ZDHHC19: variants seen among roughly 807,000 people sequenced by gnomAD.
The protein encoded by ZDHHC19 is zDHHC palmitoyltransferase 19.
Under a neutral mutation model 33.9 loss-of-function variants are expected in ZDHHC19, and 30 were observed. The ratio of observed to expected loss-of-function variants is 0.88; its 90% confidence interval spans 0.66 to 1.20. The LOEUF is 1.20. Among genes scored for constraint, ZDHHC19 ranks in the 50% most tolerant of loss-of-function variants. The pLI is 0.00. For missense variants in ZDHHC19, 364 were observed against 401.1 expected (o/e 0.91, Z 0.79); for synonymous variants, 178 against 167.6 (o/e 1.06, Z -0.48).
intron 5 of ZDHHC19, among the ~76,000 whole-genome samples, chr3:196,204,096 AAAG>A (rs1224608763): frequency 2.0e-5 from 3 of 152,214 alleles, no homozygotes; most frequent in Non-Finnish European, 2.9e-5. Context: ...ACAGATTGGA[AAAG>A]AAGAAGTGAA....
At chr3:196,204,763 T>C (rs1040304562) in intron 5 of ZDHHC19, among the ~76,000 whole-genome samples, 3 of 152,166 alleles carry the variant, frequency 2.0e-5, no homozygotes, top group African/African-American at 7.2e-5. Flanking sequence ...CGGGTAGGAA[T>C]GCAAAATAGT....
chr3:196,201,022 A>G (rs544658748), intron 5 of ZDHHC19, among the ~76,000 whole-genome samples: 1 of 151,908 alleles, frequency 6.6e-6, no homozygotes, highest in African/African-American at 2.4e-5. Flanking sequence ...TGAGGCATAG[A>G]AAAATGCTTA....
At position 196,210,670 on chromosome 3, in the gene ZDHHC19, T is replaced by C; in HGVS notation, c.214A>G (p.Thr72Ala). 6.2e-7 allele frequency: 1 copy of C among 1,613,926 alleles called. No individual in the cohort carries two copies. Among genetic ancestry groups the C allele is most frequent in the Non-Finnish European group, 8.5e-7 (1 of 1,179,976 alleles). The change falls in exon 2 of 8, where the codon ACC becomes GCC. Residue 72 changes from threonine (T) to alanine (A), a missense_variant. Transcript: ENST00000296326. ...TTGAGTGAAACAAGACTGAAGAAGG[T>C]AAGGACAAAGAGGGAGCCTGTGATA... Reference protein sequence around the residue: ...PVITGSLFVLTFFSLVSLNFS... With the variant: ...PVITGSLFVLAFFSLVSLNFS...
intron 5 of ZDHHC19, 64 bp downstream of exon 5, chr3:196,207,334 G>A (rs1317386982): frequency 4.7e-5 from 67 of 1,439,780 alleles, no homozygotes; most frequent in Non-Finnish European, 5.1e-5. Flanking sequence ...CAAGGGCAGT[G>A]GAGAAAGCGC....
intron 5 of ZDHHC19, among the ~76,000 whole-genome samples, chr3:196,205,333 G>C (rs960151596): frequency 6.6e-6 from 1 of 152,086 alleles, no homozygotes; most frequent in African/African-American, 2.4e-5. Context: ...AGGAATAAAC[G>C]ACTGCTATGA....
Position 196,209,496 on chromosome 3 carries a change from G to C in ZDHHC19, c.288C>G (p.Pro96=). Residue 96 remains proline (P), a synonymous_variant, in exon 3 of 8, where the codon CCC becomes CCG. Coordinates refer to ENST00000296326, the MANE Select transcript of ZDHHC19 (RefSeq NM_001039617.2). ...ILHQGSAEQG[P]LTVHVVWVNH... ...TCACCCACACCACGTGCACCGTCAA[G>C]GGGCCCTGCTCAGCGGAGCCTGGCG... 1 of 1,613,062 alleles carries C rather than the reference G, an allele frequency of 6.2e-7. No homozygotes were observed. The highest frequency in any genetic ancestry group is 8.5e-7 in the Non-Finnish European group (1 of 1,179,796).
At chr3:196,206,674 CTTTTCTT>C (rs1207074962) in intron 5 of ZDHHC19, among the ~76,000 whole-genome samples, 20 of 124,138 alleles carry the variant, frequency 1.6e-4, no homozygotes, top group African/African-American at 4.6e-4. Context: ...CTTTTCTTTT[CTTTTCTT>C]TTTTTTTTTT....
intron 2 of ZDHHC19, among the ~76,000 whole-genome samples, chr3:196,210,299 A>AAGG (rs1723140869): frequency 6.8e-6 from 1 of 147,680 alleles, no homozygotes; most frequent in East Asian, 2.0e-4. Context: ...GGAAGGAAGG[A>AAGG]AAGAGAGAGG....
intron 1 of ZDHHC19, 112 bp from the exon 2 acceptor site, chr3:196,210,849 T>C: frequency 6.9e-7 from 1 of 1,453,816 alleles, no homozygotes; most frequent in Non-Finnish European, 9.1e-7. Context: ...GATCTAAAAA[T>C]CCAGGCTCCA....
Position 196,200,568 on chromosome 3 carries a change from A to G in ZDHHC19, c.688-1694T>C, listed in dbSNP as rs879917713. On this transcript the variant is annotated intron_variant, in intron 5 of 7. Coordinates refer to ENST00000296326, the MANE Select transcript of ZDHHC19 (RefSeq NM_001039617.2). ...ACGGGGTTTCACCGTGTTAGCCAGG[A>G]TGGTCTCGATCTCCTGACCTCGTGA... Among the ~76,000 whole-genome samples, 9 of 148,654 alleles carry G rather than the reference A, an allele frequency of 6.1e-5. 1 individual carries two copies. Among genetic ancestry groups the G allele is most frequent in the Non-Finnish European group, 1.0e-4 (7 of 67,558 alleles).
intron 4 of ZDHHC19, among the ~76,000 whole-genome samples, chr3:196,207,986 A>ACCTCCCTC (rs1722911226): frequency 1.4e-5 from 2 of 145,608 alleles, no homozygotes; most frequent in South Asian, 4.4e-4. Flanking sequence ...TGCAGCCTCG[A>ACCTCCCTC]CCTCCCTCCC....
At chr3:196,202,306 G>C (rs1303647545) in intron 5 of ZDHHC19, 1 of 151,984 alleles carries the variant, frequency 6.6e-6, no homozygotes. Flanking sequence ...GGACAACAGC[G>C]TGAGAGACTC....
At chr3:196,207,590 C>T (rs1722850844) in intron 4 of ZDHHC19, 87 bp from the exon 5 acceptor site, 1 of 567,388 alleles carries the variant, frequency 1.8e-6, no homozygotes, top group Non-Finnish European at 2.5e-6. Flanking sequence ...CCGCCCCGCC[C>T]CCGGACGCCC....
chr3:196,211,293 G>A lies in ZDHHC19; in HGVS notation c.23C>T (p.Thr8Met), dbSNP rs751581426. The A allele has an allele frequency of 6.8e-6, 11 of 1,613,512 alleles. No homozygotes were observed. Among genetic ancestry groups the A allele is most frequent in the East Asian group, 4.5e-5 (2 of 44,894 alleles). Reference protein sequence around the residue: MTLLTDATPLVKEPHPLP... With the variant: MTLLTDAMPLVKEPHPLP... ...GGGATGGGGCTCCTTCACCAGCGGC[G>A]TGGCATCCGTTAAGAGTGTCATGGC... Residue 8 changes from threonine (T) to methionine (M), a missense_variant, in exon 1 of 8, where the codon ACG (threonine) becomes ATG (methionine). Physicochemically the swap from Thr to Met is moderately conservative, Grantham distance 81. Coordinates refer to ENST00000296326, the MANE Select transcript of ZDHHC19 (RefSeq NM_001039617.2).
intron 5 of ZDHHC19, among the ~76,000 whole-genome samples, chr3:196,205,017 G>C (rs1347509634): frequency 6.6e-6 from 1 of 152,040 alleles, no homozygotes; most frequent in East Asian, 1.9e-4. Flanking sequence ...GAGGTGGGAG[G>C]ATCACTTGAA....
intron 2 of ZDHHC19, 142 bp downstream of exon 2, chr3:196,210,474 C>G (rs139707893): frequency 1.3e-6 from 1 of 795,254 alleles, no homozygotes; most frequent in Non-Finnish European, 1.9e-6. Flanking sequence ...AAAGAGTGAG[C>G]GAGGGCCAGA....
chr3:196,208,021 A>C (rs1722913358), intron 4 of ZDHHC19, among the ~76,000 whole-genome samples: 1 of 151,016 alleles, frequency 6.6e-6, no homozygotes, highest in Non-Finnish European at 1.5e-5. Flanking sequence ...CTACCACCTC[A>C]GCCTTCCAGG....
intron 2 of ZDHHC19, among the ~76,000 whole-genome samples, chr3:196,210,281 AGAAAGAAG>A (rs1560142378): frequency 1.6e-5 from 2 of 121,760 alleles, no homozygotes; most frequent in Non-Finnish European, 3.7e-5. Flanking sequence ...AAAGAAAGAA[AGAAAGAAG>A]GAAGGAAGGA....
At chr3:196,210,337 GAA>G (rs60446143) in intron 2 of ZDHHC19, among the ~76,000 whole-genome samples, 1 of 133,524 alleles carries the variant, frequency 7.5e-6, no homozygotes, top group Non-Finnish European at 1.6e-5. Flanking sequence ...AAGAAAGAAA[GAA>G]AGAAAAGAGA....
Sources: allele counts gnomAD v4.1 joint callset (sites outside exome capture counted in the v4.1 genomes callset), GRCh38; gene constraint gnomAD v4.1.1; transcripts MANE v1.5; gene names NCBI Gene and HGNC (gene_info 2026-07-23, HGNC 2026-07-21).